The following PCDHA5 variants were observed in gnomAD, a reference collection of about 807,000 sequenced individuals.
PCDHA5 encodes protocadherin alpha-5.
Under a neutral mutation model 61.6 loss-of-function variants are expected in PCDHA5, and 43 were observed. The observed-to-expected ratio is 0.70, with a 90% CI of 0.55 to 0.90. The LOEUF (loss-of-function observed/expected upper bound fraction) is 0.90. PCDHA5 is among the 40% of genes least tolerant of loss of function. The probability of loss-of-function intolerance (pLI) is 0.00; values close to 1 mark genes in which losing one functional copy is unlikely to be tolerated. For synonymous variants in PCDHA5, 627 were observed against 543.9 expected, an observed-to-expected ratio of 1.15 and a Z score of -2.13; for missense variants, 1,298 against 1,222.7, an observed-to-expected ratio of 1.06 and a Z score of -0.92.
intron 1 of PCDHA5, among the ~76,000 whole-genome samples, chr5:140,897,173 G>A (rs1212341088): frequency 6.6e-6 from 1 of 151,926 alleles, no homozygotes; most frequent in East Asian, 1.9e-4. Context: ...CTATCTCCAT[G>A]GGTTCAAAAA....
chr5:140,986,247 G>A (rs758689038), intron 3 of PCDHA5, among the ~76,000 whole-genome samples: 1 of 152,012 alleles, frequency 6.6e-6, no homozygotes, highest in Non-Finnish European at 1.5e-5. Context: ...GAGCAGACCC[G>A]GACCACAGGC....
intron 1 of PCDHA5, chr5:140,828,820 A>T (rs192366589): frequency 6.2e-7 from 1 of 1,614,208 alleles, no homozygotes; most frequent in Admixed American, 1.7e-5. Context: ...CCACTTTCGA[A>T]CAGTCTGAAT....
intron 1 of PCDHA5, chr5:140,866,995 A>G (rs1294829153): frequency 1.3e-5 from 2 of 152,138 alleles, no homozygotes; most frequent in Non-Finnish European, 2.9e-5. Flanking sequence ...AATGCAAAAG[A>G]TGGGTCATTG....
chr5:140,995,867 G>A (rs1355291744), intron 3 of PCDHA5, among the ~76,000 whole-genome samples: 1 of 152,152 alleles, frequency 6.6e-6, no homozygotes, highest in Non-Finnish European at 1.5e-5. Flanking sequence ...CTTAATAATT[G>A]TGCAACCTGT....
intron 1 of PCDHA5, chr5:140,876,689 C>T: frequency 1.2e-6 from 2 of 1,614,228 alleles, no homozygotes; most frequent in Middle Eastern, 1.6e-4. Context: ...AATTACTACT[C>T]GTTGGTGCTG....
intron 2 of PCDHA5, among the ~76,000 whole-genome samples, chr5:140,981,395 G>A (rs928966988): frequency 5.2e-4 from 79 of 152,210 alleles, no homozygotes; most frequent in African/African-American, 1.9e-3. Context: ...TCAATATGGT[G>A]AAAACCTGTC....
In PCDHA5 at chr5:140,849,923, G is replaced by T. The variant is rs145904051; in HGVS notation, c.2352+25796G>T. 160 of 1,598,322 alleles carry T rather than the reference G, an allele frequency of 1.0e-4. 9 individuals carry two copies. The African/African-American group carries it at 1.2e-3, about 12-fold the overall frequency. On this transcript the variant is annotated intron_variant, in intron 1 of 3. Transcript: ENST00000529859. ...ACCCGCCGGGCTGCCACATCTTCAC[G>T]GTGTCTGCGCGGGACGCTGACGCGC...
rs2150247452 is a variant in PCDHA5, at chr5:140,835,884, G to C, written c.2352+11757G>C. ...CTCGCTGGTGGAGCTGCGGGTGGGC[G>C]AGCGCGCGCTGTCGAGCTACGTGTC... On this transcript the variant is annotated intron_variant, in intron 1 of 3. Coordinates refer to ENST00000529859, the MANE Select transcript of PCDHA5 (RefSeq NM_018908.3). 57 of 1,611,848 alleles carry C rather than the reference G, an allele frequency of 3.5e-5. No individual in the cohort carries two copies. The highest frequency in any genetic ancestry group is 3.3e-5 in the Non-Finnish European group (39 of 1,179,644).
At position 141,009,749 on chromosome 5, in the gene PCDHA5, A is replaced by G. The variant is rs2098414176; in HGVS notation, c.2623A>G (p.Ile875Val). Residue 875 changes from isoleucine to valine, a missense_variant, in exon 4 of 4, where the codon ATT (isoleucine) becomes GTT (valine). Ile to Val is a conservative substitution (Grantham distance 29). Transcript: ENST00000529859. ...SGPGELPDKFIIPGSPAIISI... is the reference protein window; with the variant it reads ...SGPGELPDKFVIPGSPAIISI... The stretch of plus-strand genomic sequence containing the variant: ...TCCCGGTGAGTTGCCCGACAAATTC[A>G]TTATCCCAGGATCTCCTGCAATCAT... 3 of 1,614,200 alleles carry G rather than the reference A, an allele frequency of 1.9e-6. No homozygotes were observed. The highest frequency in any genetic ancestry group is 1.6e-4 in the Middle Eastern group (1 of 6,062).
intron 1 of PCDHA5, among the ~76,000 whole-genome samples, chr5:140,974,769 T>C (rs1487371754): frequency 6.6e-6 from 1 of 152,238 alleles, no homozygotes; most frequent in Non-Finnish European, 1.5e-5. Context: ...ATTACAGGTA[T>C]GAGCCACTGC....
intron 1 of PCDHA5, chr5:140,835,919 G>T (rs2150248357): frequency 2.5e-6 from 4 of 1,612,404 alleles, no homozygotes; most frequent in Admixed American, 3.3e-5. Context: ...CAGTGCACGC[G>T]GAGAGCGGCA....
At chr5:140,941,950 A>C (rs2093203816) in intron 1 of PCDHA5, among the ~76,000 whole-genome samples, 1 of 152,172 alleles carries the variant, frequency 6.6e-6, no homozygotes, top group Admixed American at 6.5e-5. Context: ...TTTGTTTTGA[A>C]AACAATAGTA....
At chr5:140,993,510 G>A (rs144120217) in intron 3 of PCDHA5, among the ~76,000 whole-genome samples, 7 of 129,138 alleles carry the variant, frequency 5.4e-5, no homozygotes, top group African/African-American at 1.4e-4. Context: ...ACACACACAC[G>A]GGGAGAGAGA....
intron 1 of PCDHA5, chr5:140,876,810 C>T (rs782009058): frequency 1.9e-6 from 3 of 1,614,154 alleles, no homozygotes; most frequent in East Asian, 2.2e-5. Flanking sequence ...TGGAGGTGGC[C>T]GACGTGAACG....
chr5:140,849,354 C>T (rs2150435747), intron 1 of PCDHA5: 1 of 1,448,176 alleles, frequency 6.9e-7, no homozygotes, highest in Admixed American at 2.0e-5. Flanking sequence ...TGATGTTTCT[C>T]CAGATATAAA....
chr5:140,889,409 A>C (rs1448554315), intron 1 of PCDHA5, among the ~76,000 whole-genome samples: 5 of 152,024 alleles, frequency 3.3e-5, no homozygotes, highest in African/African-American at 1.2e-4. Context: ...TACTCGAGTC[A>C]GTTACGTAGA....
chr5:140,902,203 CTTT>C lies in PCDHA5; in HGVS notation c.2353-76730_2353-76728del, dbSNP rs148688132. ...TTATGTCTTCTCTCTCTCTCTCTTT[CTTT>C]TTTTTTTTTTTTTTTGAGATGAGGA... On this transcript the variant is annotated intron_variant, in intron 1 of 3. Coordinates refer to ENST00000529859, the MANE Select transcript of PCDHA5 (RefSeq NM_018908.3). Among the ~76,000 whole-genome samples, 328 of 124,424 alleles carry C rather than the reference CTTT, an allele frequency of 2.6e-3. 2 individuals are homozygous for C. Among genetic ancestry groups the C allele is most frequent in the Middle Eastern group, 0.017 (4 of 242 alleles). 81.6% of individuals were successfully genotyped at this position (124,424 alleles called of 152,430 possible).
rs1554181471 is a variant in PCDHA5, at chr5:140,884,352, A to G, written c.2352+60225A>G. ...GTGGGTCCAGAAGCGGCGCTGGTGG[A>G]TGTCAATGTTTACTTGATCATTGCC... is the stretch of plus-strand genomic sequence containing the variant. On this transcript the variant is annotated intron_variant, in intron 1 of 3. Transcript: ENST00000529859. The G allele has an allele frequency of 2.5e-6, 4 of 1,613,710 alleles. No individual in the cohort carries two copies. The Admixed American group carries it at 5.0e-5, about 20-fold the overall frequency.
intron 1 of PCDHA5, among the ~76,000 whole-genome samples, chr5:140,897,305 G>T (rs952231570): frequency 6.6e-6 from 1 of 150,594 alleles, no homozygotes; most frequent in Non-Finnish European, 1.5e-5. Context: ...TTAGCATTAG[G>T]TATATCTCCT....
Sources: gnomAD v4.1 joint callset for allele counts (sites outside exome capture counted in the v4.1 genomes callset) on GRCh38, gnomAD v4.1.1 for gene constraint, MANE v1.5 for transcripts, NCBI Gene and HGNC (gene_info 2026-07-23, HGNC 2026-07-21) for gene names.